The following KRABD5 variants were observed in gnomAD, a reference collection of about 807,000 sequenced individuals.
KRABD5 encodes KRAB domain-containing protein 5.
At chr16:31,730,319 T>G in the KRABD5 span, among the ~76,000 whole-genome samples, 1 of 152,254 alleles carries the variant, frequency 6.6e-6, no homozygotes, top group Admixed American at 6.5e-5. Flanking sequence ...TTAGTTGTCT[T>G]TTTTGTTTGT....
the KRABD5 span, among the ~76,000 whole-genome samples, chr16:31,749,442 G>A: frequency 6.6e-6 from 1 of 152,204 alleles, no homozygotes; most frequent in Non-Finnish European, 1.5e-5. Context: ...AGCTCAAATG[G>A]CTTAGACAGC....
the KRABD5 span, among the ~76,000 whole-genome samples, chr16:31,715,895 C>T: frequency 3.3e-5 from 5 of 152,194 alleles, no homozygotes; most frequent in African/African-American, 1.2e-4. Context: ...TGTCACCCTA[C>T]ACATTGTCCT....
the KRABD5 span, among the ~76,000 whole-genome samples, chr16:31,739,111 AC>A: frequency 4.6e-5 from 7 of 152,178 alleles, no homozygotes; most frequent in Non-Finnish European, 1.0e-4. Flanking sequence ...AGAATATTTT[AC>A]TTGTGTATAT....
chr16:31,727,540 T>G, the KRABD5 span, among the ~76,000 whole-genome samples: 1 of 152,166 alleles, frequency 6.6e-6, no homozygotes. Flanking sequence ...GCAGTGTTTT[T>G]TCCCTTCAAT....
chr16:31,747,404 G>A, the KRABD5 span, among the ~76,000 whole-genome samples: 134 of 152,260 alleles, frequency 8.8e-4, no homozygotes, highest in African/African-American at 3.1e-3. Context: ...GGACATTTGG[G>A]TTGGTTTCAA....
At chr16:31,743,708 T>G in the KRABD5 span, among the ~76,000 whole-genome samples, 1 of 152,214 alleles carries the variant, frequency 6.6e-6, no homozygotes, top group African/African-American at 2.4e-5. Flanking sequence ...TAAATTACTT[T>G]GGGCAGTATG....
At chr16:31,727,412 G>A in the KRABD5 span, among the ~76,000 whole-genome samples, 1 of 152,350 alleles carries the variant, frequency 6.6e-6, no homozygotes, top group African/African-American at 2.4e-5. Context: ...AGCTGGCAGT[G>A]TTGCAGCTCT....
At chr16:31,751,800 A>G in the KRABD5 span, among the ~76,000 whole-genome samples, 11 of 152,124 alleles carry the variant, frequency 7.2e-5, no homozygotes, top group African/African-American at 2.7e-4. Flanking sequence ...CTATTCTTCT[A>G]CATTTGTGCT....
chr16:31,725,006 A>G, the KRABD5 span, among the ~76,000 whole-genome samples: 15 of 152,342 alleles, frequency 9.8e-5, no homozygotes, highest in Non-Finnish European at 1.2e-4. Flanking sequence ...GTTGTCAGAA[A>G]TGGTAGAACT....
chr16:31,717,208 C>G, the KRABD5 span, among the ~76,000 whole-genome samples: 4 of 152,020 alleles, frequency 2.6e-5, no homozygotes, highest in African/African-American at 9.7e-5. Context: ...GTTGTCCAGG[C>G]TGGTCTCAAA....
At chr16:31,758,099 C>T in the KRABD5 span, 1 of 152,040 alleles carries the variant, frequency 6.6e-6, no homozygotes, top group African/African-American at 2.4e-5. Flanking sequence ...TAAAAGGACC[C>T]AAGGGTTGAA....
chr16:31,737,672 TTTATC>T, the KRABD5 span, among the ~76,000 whole-genome samples: 1 of 152,170 alleles, frequency 6.6e-6, no homozygotes, highest in African/African-American at 2.4e-5. Flanking sequence ...TCATCTTTTA[TTTATC>T]TTTATGTCAG....
At chr16:31,730,230 T>C in the KRABD5 span, among the ~76,000 whole-genome samples, 6 of 151,802 alleles carry the variant, frequency 4.0e-5, no homozygotes, top group Non-Finnish European at 8.8e-5. Flanking sequence ...TTCCTTTAAT[T>C]TTTTTTTTGG....
chr16:31,724,442 C>A, the KRABD5 span, among the ~76,000 whole-genome samples: 3 of 151,734 alleles, frequency 2.0e-5, no homozygotes, highest in Non-Finnish European at 4.4e-5. Flanking sequence ...AATCCCAGCA[C>A]TTTGGGAGGC....
At chr16:31,726,282 T>C in the KRABD5 span, among the ~76,000 whole-genome samples, 1 of 152,364 alleles carries the variant, frequency 6.6e-6, no homozygotes, top group African/African-American at 2.4e-5. Context: ...GTGCTAACTC[T>C]ATACACATGG....
the KRABD5 span, among the ~76,000 whole-genome samples, chr16:31,716,997 G>GTTTTTTTTTTTTTTTTTTTTT: frequency 1.2e-5 from 1 of 81,164 alleles, no homozygotes; most frequent in Non-Finnish European, 2.3e-5. Flanking sequence ...GTCAGTCTTT[G>GTTTTTTTTTTTTTTTTTTTTT]TTTTTTTTTT....
chr16:31,733,707 T>C, the KRABD5 span: 1 of 437,762 alleles, frequency 2.3e-6, no homozygotes, highest in South Asian at 1.6e-5. Flanking sequence ...TTTGTCCTTA[T>C]TAATACTTGT....
At chr16:31,729,884 A>G in the KRABD5 span, among the ~76,000 whole-genome samples, 1 of 151,788 alleles carries the variant, frequency 6.6e-6, no homozygotes, top group African/African-American at 2.4e-5. Flanking sequence ...TAATTATCCA[A>G]CTTTTATGCA....
At chr16:31,714,470 A>G in the KRABD5 span, 1 of 454,458 alleles carries the variant, frequency 2.2e-6, no homozygotes, top group Non-Finnish European at 4.4e-6. Flanking sequence ...GAGTGGAGGA[A>G]GGTCTGACGT....
Sources: gnomAD v4.1 joint callset for allele counts (sites outside exome capture counted in the v4.1 genomes callset) on GRCh38, gnomAD v4.1.1 for gene constraint, MANE v1.5 for transcripts, NCBI Gene and HGNC (gene_info 2026-07-23, HGNC 2026-07-21) for gene names.